Variants in GLI2 observed in about 807,000 individuals in gnomAD.
GLI2 encodes the protein GLI family zinc finger 2, also known as transcription activator GLI2.
GLI2 carries 22 observed loss-of-function variants against 78.9 expected under a neutral mutation model. The ratio of observed to expected loss-of-function variants is 0.28; its 90% CI spans 0.20 to 0.40. The LOEUF (loss-of-function observed/expected upper bound fraction) is 0.40. GLI2 is among the 10% of genes least tolerant of loss of function. GLI2 has a pLI of 1.00. For missense variants in GLI2, 2,097 were observed against 2,213.2 expected (o/e 0.95, Z 1.05); for synonymous variants, 974 against 963.7 (o/e 1.01, Z -0.20).
intron 2 of GLI2, among the ~76,000 whole-genome samples, chr2:120,823,062 C>T (rs1204286845): frequency 4.5e-5 from 3 of 66,314 alleles, no homozygotes; most frequent in Admixed American, 3.8e-4. Context: ...CAACAGGGAA[C>T]CTGCTCCCAC....
intron 2 of GLI2, among the ~76,000 whole-genome samples, chr2:120,901,399 G>A (rs1451845360): frequency 2.6e-5 from 4 of 152,210 alleles, no homozygotes; most frequent in Admixed American, 6.5e-5. Flanking sequence ...GGGTGACAGC[G>A]TCCTTGGCAT....
chr2:120,812,144 G>T (rs897025171), intron 2 of GLI2, among the ~76,000 whole-genome samples: 3 of 152,218 alleles, frequency 2.0e-5, no homozygotes, highest in African/African-American at 7.2e-5. Context: ...TCTCAAATGT[G>T]CTGGTTAGGG....
At chr2:120,812,910 C>T (rs1324678195) in intron 2 of GLI2, among the ~76,000 whole-genome samples, 2 of 152,210 alleles carry the variant, frequency 1.3e-5, no homozygotes, top group Non-Finnish European at 2.9e-5. Flanking sequence ...AGAGTCTTCT[C>T]TTCTTTCTGT....
intron 1 of GLI2, among the ~76,000 whole-genome samples, chr2:120,761,121 G>C (rs1683200147): frequency 6.6e-6 from 1 of 152,228 alleles, no homozygotes; most frequent in South Asian, 2.1e-4. Flanking sequence ...AAATAAAGGA[G>C]AATGAGGTGG....
At chr2:120,898,177 A>AACACACACACACACACACACACAC (rs55794893) in intron 2 of GLI2, among the ~76,000 whole-genome samples, 1 of 140,228 alleles carries the variant, frequency 7.1e-6, no homozygotes. Context: ...TATAGATTAA[A>AACACACACACACACACACACACAC]ACACACACAC....
At chr2:120,887,665 G>T (rs1677478543) in intron 2 of GLI2, among the ~76,000 whole-genome samples, 1 of 152,250 alleles carries the variant, frequency 6.6e-6, no homozygotes, top group African/African-American at 2.4e-5. Context: ...CTCCCACAGA[G>T]GCCATTATCC....
chr2:120,910,318 A>G (rs1012669788), intron 2 of GLI2, among the ~76,000 whole-genome samples: 4 of 152,162 alleles, frequency 2.6e-5, no homozygotes, highest in Non-Finnish European at 5.9e-5. Flanking sequence ...TGCCTAATCA[A>G]GGGATGCATT....
chr2:120,740,193 A>G (rs987630821), intron 1 of GLI2, among the ~76,000 whole-genome samples: 1 of 152,244 alleles, frequency 6.6e-6, no homozygotes, highest in Non-Finnish European at 1.5e-5. Flanking sequence ...AAAACCTGGG[A>G]AAATGCACAG....
intron 5 of GLI2, among the ~76,000 whole-genome samples, chr2:120,960,446 C>T (rs1681498902): frequency 6.6e-6 from 1 of 152,206 alleles, no homozygotes; most frequent in Non-Finnish European, 1.5e-5. Flanking sequence ...GTCCCCAGTA[C>T]ACCGGTTTGC....
At chr2:120,782,553 G>A (rs1252891652) in intron 1 of GLI2, among the ~76,000 whole-genome samples, 1 of 152,246 alleles carries the variant, frequency 6.6e-6, no homozygotes, top group South Asian at 2.1e-4. Flanking sequence ...GGCTTCAGAT[G>A]CAGTATGCAC....
At chr2:120,879,623 C>T (rs1275910519) in intron 2 of GLI2, among the ~76,000 whole-genome samples, 2 of 152,204 alleles carry the variant, frequency 1.3e-5, no homozygotes, top group Non-Finnish European at 2.9e-5. Context: ...ACGTGGCCAC[C>T]TGCCTGCCTC....
rs575702963 is a variant in GLI2 at position 120,945,721 on chromosome 2, C to G, written c.255-5522C>G. 5.9e-5 allele frequency among the ~76,000 whole-genome samples: 9 copies of G among 152,284 alleles called. No individual in the cohort carries two copies. In the South Asian group the frequency reaches 1.0e-3, roughly 18 times the overall value. ...GCCTCCAGCAGCCCCACGCTTGCAC[C>G]CTACGAGCTCAGCAACCCTTGCGGA... is the stretch of plus-strand genomic sequence containing the variant. On this transcript the variant is annotated intron_variant, in intron 3 of 13. Transcript: ENST00000361492.
chr2:120,884,677 G>T (rs1365704245), intron 2 of GLI2, among the ~76,000 whole-genome samples: 1 of 152,182 alleles, frequency 6.6e-6, no homozygotes, highest in African/African-American at 2.4e-5. Flanking sequence ...TAATCAGGCT[G>T]GGTCCCCGCA....
chr2:120,982,663 C>G, intron 10 of GLI2, 53 bp from the exon 11 acceptor site: 1 of 1,549,210 alleles, frequency 6.5e-7, no homozygotes, highest in African/African-American at 1.4e-5. Flanking sequence ...AGCAGCCGGC[C>G]TCAAGGTTGG....
chr2:120,988,603 A>T lies in GLI2; in HGVS notation c.2638A>T (p.Thr880Ser). 1 of 1,481,532 alleles carries T rather than the reference A, an allele frequency of 6.7e-7. No individual in the cohort carries two copies. The highest frequency in any genetic ancestry group is 1.5e-5 in the African/African-American group (1 of 68,308). The allele number at this position is 1,481,532 out of a possible 1,614,324, so 91.8% of individuals were successfully genotyped here. The change falls in exon 14 of 14, where the codon ACT becomes TCT. Residue 880 changes from threonine to serine, a missense_variant. Transcript: ENST00000361492. Reference protein sequence around the residue: ...YSLRAKYAAATGGPPPTPLPG... With the variant: ...YSLRAKYAAASGGPPPTPLPG... ...CCTGCGGGCCAAGTACGCGGCAGCC[A>T]CTGGCGGCCCCCCGCCCACTCCGCT...
At chr2:120,823,290 G>A (rs1459670576) in intron 2 of GLI2, among the ~76,000 whole-genome samples, 4 of 152,194 alleles carry the variant, frequency 2.6e-5, no homozygotes, top group African/African-American at 7.2e-5. Flanking sequence ...ATAATTTACA[G>A]CAATCCCAAA....
chr2:120,868,617 AAGTT>A (rs1477203249), intron 2 of GLI2, among the ~76,000 whole-genome samples: 3 of 152,136 alleles, frequency 2.0e-5, no homozygotes, highest in African/African-American at 7.2e-5. Flanking sequence ...TTCAGAAACA[AAGTT>A]AGGTAAGGAG....
chr2:120,955,295 G>C lies in GLI2; in HGVS notation c.508G>C (p.Gly170Arg), dbSNP rs1400143753. The change falls in exon 5 of 14, where the codon GGC (glycine) becomes CGC (arginine). Residue 170 changes from glycine (G) to arginine (R), a missense_variant. Physicochemically the swap from Gly to Arg is moderately radical, Grantham distance 125 (BLOSUM62 -2). Transcript: ENST00000361492. Reference protein sequence around the residue: ...ERGLFGLPAPGTTPSDYYHQM... With the variant: ...ERGLFGLPAPRTTPSDYYHQM... ...GGGACTGTTTGGCCTTCCTGCTCCA[G>C]GCACCACCCCCTCAGACTATTACCA... 6.2e-7 allele frequency: 1 copy of C among 1,612,894 alleles called. No individual in the cohort carries two copies. Among genetic ancestry groups the C allele is most frequent in the East Asian group, 2.2e-5 (1 of 44,834 alleles).
intron 2 of GLI2, among the ~76,000 whole-genome samples, chr2:120,888,244 C>A (rs1677509763): frequency 1.3e-5 from 2 of 152,220 alleles, no homozygotes. Flanking sequence ...GGTAAACACT[C>A]TTAGTTGCCA....
Sources: gnomAD v4.1 joint callset for allele counts (sites outside exome capture counted in the v4.1 genomes callset) on GRCh38, gnomAD v4.1.1 for gene constraint, MANE v1.5 for transcripts, NCBI Gene and HGNC (gene_info 2026-07-23, HGNC 2026-07-21) for gene names.